HS6ST3: variants seen among roughly 807,000 people sequenced by gnomAD.
HS6ST3 encodes heparan-sulfate 6-O-sulfotransferase 3.
HS6ST3 carries 12 observed loss-of-function variants against 36.7 expected under a neutral mutation model. That is an observed-to-expected ratio of 0.33 (90% CI 0.21 to 0.53). The LOEUF is 0.53. Ranked by LOEUF, HS6ST3 falls within the 20% of genes least tolerant of loss-of-function variation. The probability of loss-of-function intolerance (pLI) is 0.95; values close to 1 mark genes in which losing one functional copy is unlikely to be tolerated. For missense variants in HS6ST3, 584 were observed against 640.9 expected, an observed-to-expected ratio of 0.91 and a Z score of 0.96; for synonymous variants, 240 against 257.5, an observed-to-expected ratio of 0.93 and a Z score of 0.65.
chr13:96,811,418 G>A (rs1252314814), intron 1 of HS6ST3, among the ~76,000 whole-genome samples: 1 of 152,166 alleles, frequency 6.6e-6, no homozygotes, highest in African/African-American at 2.4e-5. Flanking sequence ...TTTGGAGAAT[G>A]TTCAATGAAT....
chr13:96,525,885 T>G (rs1342590359), intron 1 of HS6ST3, among the ~76,000 whole-genome samples: 1 of 152,212 alleles, frequency 6.6e-6, no homozygotes, highest in Non-Finnish European at 1.5e-5. Flanking sequence ...CTCAAGAACT[T>G]TGTACTTTAG....
At chr13:96,679,861 T>C (rs2056712135) in intron 1 of HS6ST3, among the ~76,000 whole-genome samples, 2 of 152,044 alleles carry the variant, frequency 1.3e-5, no homozygotes, top group South Asian at 4.1e-4. Flanking sequence ...GATCAAAAGG[T>C]CCAAGAGACT....
intron 1 of HS6ST3, among the ~76,000 whole-genome samples, chr13:96,827,939 T>G (rs888109513): frequency 1.6e-4 from 25 of 152,188 alleles, no homozygotes; most frequent in Non-Finnish European, 3.5e-4. Context: ...GCAGGATTAA[T>G]AATGGCATGC....
At chr13:96,803,143 A>G (rs1291533498) in intron 1 of HS6ST3, among the ~76,000 whole-genome samples, 1 of 152,044 alleles carries the variant, frequency 6.6e-6, no homozygotes, top group African/African-American at 2.4e-5. Flanking sequence ...TAATAGCACC[A>G]TTACCTCATT....
intron 1 of HS6ST3, among the ~76,000 whole-genome samples, chr13:96,258,369 C>A (rs2054647805): frequency 6.6e-6 from 1 of 152,058 alleles, no homozygotes; most frequent in South Asian, 2.1e-4. Context: ...ACAACAACAA[C>A]AACAACAAAA....
chr13:96,348,646 C>A (rs2055167346), intron 1 of HS6ST3, among the ~76,000 whole-genome samples: 1 of 152,170 alleles, frequency 6.6e-6, no homozygotes, highest in Admixed American at 6.5e-5. Flanking sequence ...TTTACAAGGA[C>A]TGCAGGCATC....
At chr13:96,828,280 G>A (rs894038529) in intron 1 of HS6ST3, among the ~76,000 whole-genome samples, 2 of 152,144 alleles carry the variant, frequency 1.3e-5, no homozygotes, top group African/African-American at 4.8e-5. Flanking sequence ...TAGTGGTAAG[G>A]CTAGACAGTC....
rs140525974 is a variant in HS6ST3, at chr13:96,167,288, A to C, written c.707+75719A>C. Among the ~76,000 whole-genome samples the C allele has an allele frequency of 1.1e-3, 166 of 152,340 alleles. 1 individual carries two copies. The highest frequency in any genetic ancestry group is 3.8e-3 in the African/African-American group (160 of 41,570). ...TAGATACACATTGCTGGCACACAGT[A>C]AGTACGTATAAATGGTAGCCATTAT... On this transcript the variant is annotated intron_variant, in intron 1 of 1. Coordinates refer to ENST00000376705, the MANE Select transcript of HS6ST3 (RefSeq NM_153456.4).
intron 1 of HS6ST3, among the ~76,000 whole-genome samples, chr13:96,473,779 A>T (rs1386821482): frequency 6.6e-6 from 1 of 152,204 alleles, no homozygotes; most frequent in African/African-American, 2.4e-5. Context: ...GTAACTGAGA[A>T]TGTGGCTGGC....
At chr13:96,113,639 A>G (rs1430505060) in intron 1 of HS6ST3, among the ~76,000 whole-genome samples, 1 of 152,232 alleles carries the variant, frequency 6.6e-6, no homozygotes, top group African/African-American at 2.4e-5. Flanking sequence ...TTCTCATGAA[A>G]TTATGGTGAA....
intron 1 of HS6ST3, among the ~76,000 whole-genome samples, chr13:96,150,376 G>T: frequency 1.3e-5 from 2 of 152,128 alleles, no homozygotes; most frequent in Middle Eastern, 6.8e-3. Context: ...TCTCACTCTG[G>T]TCATGGACTC....
chr13:96,545,809 G>A (rs1398197264), intron 1 of HS6ST3, among the ~76,000 whole-genome samples: 4 of 152,102 alleles, frequency 2.6e-5, no homozygotes, highest in African/African-American at 7.2e-5. Context: ...GAGAGCCAGC[G>A]GATACCATCC....
chr13:96,227,119 A>G (rs1462262603), intron 1 of HS6ST3, among the ~76,000 whole-genome samples: 1 of 152,200 alleles, frequency 6.6e-6, no homozygotes, highest in Non-Finnish European at 1.5e-5. Context: ...ACATGATCCC[A>G]TATTTTGCAC....
intron 1 of HS6ST3, among the ~76,000 whole-genome samples, chr13:96,447,518 G>A (rs1420523182): frequency 6.6e-6 from 1 of 152,158 alleles, no homozygotes; most frequent in Non-Finnish European, 1.5e-5. Flanking sequence ...ACATGCAAAT[G>A]CTGGCTGTTA....
At chr13:96,350,149 T>C (rs1356492187) in intron 1 of HS6ST3, among the ~76,000 whole-genome samples, 2 of 152,252 alleles carry the variant, frequency 1.3e-5, no homozygotes, top group Non-Finnish European at 2.9e-5. Context: ...CTATTATTCA[T>C]GTAAATTCTG....
At chr13:96,115,437 C>T (rs948825227) in intron 1 of HS6ST3, among the ~76,000 whole-genome samples, 1 of 152,102 alleles carries the variant, frequency 6.6e-6, no homozygotes, top group Admixed American at 6.5e-5. Context: ...ATGTGTTGTT[C>T]CCCACCCTGT....
intron 1 of HS6ST3, among the ~76,000 whole-genome samples, chr13:96,368,341 T>C (rs1433999689): frequency 6.6e-6 from 1 of 152,170 alleles, no homozygotes; most frequent in Admixed American, 6.5e-5. Context: ...GGCTAGTTTG[T>C]GTCATAGCAT....
chr13:96,309,485 C>T (rs1566319434), intron 1 of HS6ST3, among the ~76,000 whole-genome samples: 1 of 152,134 alleles, frequency 6.6e-6, no homozygotes. Context: ...AAAATTTTCA[C>T]ATATAACAAG....
intron 1 of HS6ST3, among the ~76,000 whole-genome samples, chr13:96,763,260 T>A (rs958017474): frequency 6.7e-6 from 1 of 149,406 alleles, no homozygotes; most frequent in South Asian, 2.1e-4. Flanking sequence ...AATAGAAAAA[T>A]TTATATATTT....
Sources: allele counts gnomAD v4.1 joint callset (sites outside exome capture counted in the v4.1 genomes callset), GRCh38; gene constraint gnomAD v4.1.1; transcripts MANE v1.5; gene names NCBI Gene and HGNC (gene_info 2026-07-23, HGNC 2026-07-21).